Variants in ALOX12 observed in about 807,000 individuals in gnomAD.
The protein encoded by ALOX12 is arachidonate 12-lipoxygenase, 12S type, also known as polyunsaturated fatty acid lipoxygenase ALOX12.
ALOX12 carries 62 observed loss-of-function variants against 85.5 expected under a neutral mutation model. The ratio of observed to expected loss-of-function variants is 0.73; its 90% CI spans 0.59 to 0.90. The LOEUF (loss-of-function observed/expected upper bound fraction) is 0.90. Among genes scored for constraint, ALOX12 ranks in the 40% least tolerant of loss-of-function variants. ALOX12 has a pLI of 0.00. For synonymous variants in ALOX12, 299 were observed against 332.7 expected (o/e 0.90, Z 1.10); for missense variants, 751 against 856.5 (o/e 0.88, Z 1.54).
chr17:6,997,992 A>G (rs1230569272), intron 2 of ALOX12, among the ~76,000 whole-genome samples: 1 of 152,114 alleles, frequency 6.6e-6, no homozygotes. Flanking sequence ...AAGACCCAGA[A>G]TAAGTCCATA....
rs1597320189 is a variant in ALOX12 at position 7,000,222 on chromosome 17, C to T, written c.808-114C>T. 4.7e-6 allele frequency: 6 copies of T among 1,289,798 alleles called. No individual in the cohort carries two copies. The highest frequency in any genetic ancestry group is 2.7e-5 in the South Asian group (2 of 73,490). 79.9% of individuals were successfully genotyped at this position (1,289,798 alleles called of 1,614,324 possible). A position where few individuals can be genotyped will look rare whatever the true frequency, so the allele number is the denominator to read the frequency against. ...GGCTCTAGTTCTCCCAACAGGGCTC[C>T]GGTACTGATGCAGGAGAATGGCAAG... On this transcript the variant is annotated intron_variant, in intron 6 of 13. Transcript: ENST00000251535. The surrounding 1 kb of genome is among the most constrained non-coding windows in gnomAD (Gnocchi z 4.6).
At chr17:7,004,121 TTAATTTTAAA>T (rs1241282788) in intron 8 of ALOX12, among the ~76,000 whole-genome samples, 1 of 142,870 alleles carries the variant, frequency 7.0e-6, no homozygotes, top group African/African-American at 2.5e-5. Context: ...AATTTTAATT[TTAATTTTAAA>T]TAAATAATTA....
At position 7,009,349 on chromosome 17, in the gene ALOX12, G is replaced by A. The variant is rs545062749; in HGVS notation, c.1541-398G>A. 10 of 188,944 alleles carry A rather than the reference G, an allele frequency of 5.3e-5. No homozygotes were observed. In the East Asian group the frequency reaches 8.4e-4, roughly 16 times the overall value. The allele number at this position is 188,944 out of a possible 1,614,324, so 11.7% of individuals were successfully genotyped here. ...GCTGGGACTACAGGCGTGAGCCACCGCGCCCGGCCGCATCCCTCAATTCTT... is the reference window on the plus strand; with the variant it reads ...GCTGGGACTACAGGCGTGAGCCACCACGCCCGGCCGCATCCCTCAATTCTT... On this transcript the variant is annotated intron_variant, in intron 11 of 13. Transcript: ENST00000251535.
intron 8 of ALOX12, among the ~76,000 whole-genome samples, chr17:7,004,838 C>G (rs1395783621): frequency 1.3e-5 from 2 of 152,102 alleles, no homozygotes; most frequent in Non-Finnish European, 2.9e-5. Flanking sequence ...AGGGCTGATT[C>G]ATAAGGCACC....
intron 11 of ALOX12, chr17:7,009,446 T>G (rs550586838): frequency 1.0e-5 from 3 of 301,260 alleles, no homozygotes; most frequent in African/African-American, 6.4e-5. Context: ...ATAACAATAA[T>G]TATTACTTAC....
intron 11 of ALOX12, among the ~76,000 whole-genome samples, chr17:7,007,095 G>A (rs1909124952): frequency 6.6e-6 from 1 of 152,132 alleles, no homozygotes; most frequent in Non-Finnish European, 1.5e-5. Context: ...TTGCTACAGT[G>A]CAAGGTCAGC....
chr17:7,005,135 G>A (rs1908971062), intron 8 of ALOX12, 122 bp from the exon 9 acceptor site: 3 of 883,546 alleles, frequency 3.4e-6, no homozygotes, highest in Non-Finnish European at 3.8e-6. Flanking sequence ...CAGAACAGCA[G>A]GAGATCAGCC....
chr17:7,008,745 CA>C (rs567491974), intron 11 of ALOX12, among the ~76,000 whole-genome samples: 14,711 of 131,254 alleles, frequency 0.11, 952 homozygotes, highest in Admixed American at 0.28. Flanking sequence ...GACTCCGTCT[CA>C]AAAAAAAAAA....
intron 8 of ALOX12, chr17:7,002,398 C>T (rs1908752389): frequency 7.0e-6 from 3 of 428,700 alleles, no homozygotes; most frequent in South Asian, 1.7e-5. Context: ...GTAGCTGCAG[C>T]GTGCCTGGGT....
chr17:7,001,617 C>T lies in ALOX12; in HGVS notation c.967C>T (p.Pro323Ser), dbSNP rs1223720499. Reference protein sequence around the residue: ...PMVIQIQPPNPSSPTPTLFLP... With the variant: ...PMVIQIQPPNSSSPTPTLFLP... ...TTTCTCCCAGATTCAGCCTCCCAAC[C>T]CCAGCTCTCCAACCCCAACACTGTT... The change falls in exon 8 of 14, where the codon CCC becomes TCC. Residue 323 changes from proline to serine, a missense_variant. Coordinates refer to ENST00000251535, the MANE Select transcript of ALOX12 (RefSeq NM_000697.3). The T allele has an allele frequency of 1.2e-6, 2 of 1,613,944 alleles. No homozygotes were observed. The highest frequency in any genetic ancestry group is 1.3e-5 in the African/African-American group (1 of 74,940).
chr17:7,004,074 T>TAA (rs1555568280), intron 8 of ALOX12, among the ~76,000 whole-genome samples: 2,440 of 144,650 alleles, frequency 0.017, 35 homozygotes, highest in Middle Eastern at 0.049. Flanking sequence ...AAATTTTAAT[T>TAA]TATTAAAATT....
intron 8 of ALOX12, among the ~76,000 whole-genome samples, chr17:7,004,163 T>TA (rs1908882838): frequency 6.9e-6 from 1 of 145,224 alleles, no homozygotes; most frequent in Non-Finnish European, 1.5e-5. Context: ...AATTTAAATT[T>TA]AAAATTTAAA....
rs765703279 is a variant in ALOX12, at chr17:6,999,477, T to C, written c.807+11T>C. The C allele has an allele frequency of 1.2e-6, 2 of 1,613,396 alleles. No homozygotes were observed. Among genetic ancestry groups the C allele is most frequent in the Non-Finnish European group, 8.5e-7 (1 of 1,179,356 alleles). ...GAGAAAGAACTTCAGGTACCTCTCC[T>C]TCCCCTGCCTGGCACTGTTCTCTCC... On this transcript the variant is annotated intron_variant, in intron 6 of 13. Coordinates refer to ENST00000251535, the MANE Select transcript of ALOX12 (RefSeq NM_000697.3).
intron 7 of ALOX12, chr17:7,001,075 T>G (rs1464241245): frequency 1.3e-5 from 2 of 159,082 alleles, no homozygotes; most frequent in African/African-American, 4.8e-5. Flanking sequence ...GTCCCTCCAG[T>G]AGCTGGGACC....
At chr17:7,004,354 T>C (rs1286740402) in intron 8 of ALOX12, among the ~76,000 whole-genome samples, 1 of 61,252 alleles carries the variant, frequency 1.6e-5, no homozygotes, top group East Asian at 5.1e-4. Flanking sequence ...TTTTAATATT[T>C]TTAATTTTAA....
intron 1 of ALOX12, 85 bp from the exon 2 acceptor site, chr17:6,996,741 G>A: frequency 6.9e-7 from 1 of 1,452,174 alleles, no homozygotes; most frequent in Non-Finnish European, 9.3e-7. Context: ...GAGAAACTGA[G>A]GTTGCACAGG....
intron 11 of ALOX12, among the ~76,000 whole-genome samples, chr17:7,009,207 C>T (rs1003955921): frequency 2.0e-5 from 3 of 151,908 alleles, no homozygotes; most frequent in Non-Finnish European, 4.4e-5. Context: ...CTACAGGTGC[C>T]CGCCACCACA....
At position 7,002,045 on chromosome 17, in the gene ALOX12, C is replaced by T. The variant is rs1908738358; in HGVS notation, c.1161+234C>T. On this transcript the variant is annotated intron_variant, in intron 8 of 13. Coordinates refer to ENST00000251535, the MANE Select transcript of ALOX12 (RefSeq NM_000697.3). ...ATCTGACAGTCTAGCAGTGCGCTCA[C>T]AGTAGGGCTTGAACACTGCTAGTAA... 3 of 548,952 alleles carry T rather than the reference C, an allele frequency of 5.5e-6. No homozygotes were observed. The African/African-American group carries it at 5.7e-5, about 10-fold the overall frequency. The allele number at this position is 548,952 out of a possible 1,614,324, so 34.0% of individuals were successfully genotyped here.
In ALOX12 at chr17:7,010,241, C is replaced by T; in HGVS notation, c.1813-3C>T. ...AACTGACTGATCCTTTGTTCTGTCTCAGGTGCCTCTGGGGCACCACAAAGA... is the reference window on the plus strand; with the variant it reads ...AACTGACTGATCCTTTGTTCTGTCTTAGGTGCCTCTGGGGCACCACAAAGA... On this transcript the variant is annotated splice_polypyrimidine_tract_variant and splice_region_variant and intron_variant, in intron 13 of 13. Transcript: ENST00000251535. 6.2e-7 allele frequency: 1 copy of T among 1,613,050 alleles called. No individual in the cohort carries two copies. The highest frequency in any genetic ancestry group is 8.5e-7 in the Non-Finnish European group (1 of 1,179,502).
Sources: allele counts gnomAD v4.1 joint callset (sites outside exome capture counted in the v4.1 genomes callset), GRCh38; gene constraint gnomAD v4.1.1; non-coding constraint Gnocchi (gnomAD v3.1); transcripts MANE v1.5; gene names NCBI Gene and HGNC (gene_info 2026-07-23, HGNC 2026-07-21).